Variants in GPC5 observed in about 807,000 individuals in gnomAD.
GPC5 encodes glypican-5.
Under a neutral mutation model 53.9 loss-of-function variants are expected in GPC5, and 47 were observed. That is an observed-to-expected ratio of 0.87 (90% CI 0.69 to 1.11). GPC5 has a LOEUF of 1.11. Among genes scored for constraint, GPC5 ranks in the 50% most tolerant of loss-of-function variants. The pLI is 0.00. For missense variants in GPC5, 748 were observed against 713.1 expected (o/e 1.05, Z -0.56); for synonymous variants, 286 against 263.3 (o/e 1.09, Z -0.84).
intron 7 of GPC5, among the ~76,000 whole-genome samples, chr13:92,309,534 G>T (rs764531694): frequency 3.6e-4 from 54 of 151,900 alleles, no homozygotes; most frequent in Non-Finnish European, 7.1e-4. Context: ...TTGCTTATTG[G>T]TTGACTAATA....
chr13:91,843,770 A>T (rs1163657462), intron 5 of GPC5, among the ~76,000 whole-genome samples: 1 of 151,988 alleles, frequency 6.6e-6, no homozygotes, highest in Non-Finnish European at 1.5e-5. Flanking sequence ...GGGAAGCATA[A>T]GCTTTCCAGA....
chr13:91,888,137 T>C (rs1235773592), intron 5 of GPC5, among the ~76,000 whole-genome samples: 2 of 152,158 alleles, frequency 1.3e-5, no homozygotes, highest in East Asian at 3.9e-4. Flanking sequence ...CTCACAATCA[T>C]GGCAGAAGAT....
At chr13:92,093,513 A>G (rs548996166) in intron 6 of GPC5, among the ~76,000 whole-genome samples, 3 of 152,292 alleles carry the variant, frequency 2.0e-5, no homozygotes, top group Non-Finnish European at 4.4e-5. Context: ...CTTTTTGTGA[A>G]GCTATGTTAT....
At chr13:92,834,592 G>A (rs937687403) in intron 7 of GPC5, among the ~76,000 whole-genome samples, 1 of 152,134 alleles carries the variant, frequency 6.6e-6, no homozygotes, top group Non-Finnish European at 1.5e-5. Flanking sequence ...TTGCTTCACA[G>A]GTTGACAAAG....
At chr13:92,436,906 G>A (rs895480222) in intron 7 of GPC5, among the ~76,000 whole-genome samples, 3 of 151,916 alleles carry the variant, frequency 2.0e-5, no homozygotes, top group Non-Finnish European at 4.4e-5. Context: ...AATATTTCAA[G>A]GATTTACCTA....
intron 7 of GPC5, among the ~76,000 whole-genome samples, chr13:92,612,766 A>G (rs11841741): frequency 0.027 from 4,154 of 152,188 alleles, 197 homozygotes; most frequent in African/African-American, 0.095. Context: ...GCCAGACATT[A>G]TGACAGGAAC....
At chr13:91,498,400 C>G (rs1884420427) in intron 2 of GPC5, among the ~76,000 whole-genome samples, 1 of 151,962 alleles carries the variant, frequency 6.6e-6, no homozygotes, top group Non-Finnish European at 1.5e-5. Context: ...AAAAAGCAAC[C>G]TGTCTTGTGG....
chr13:92,650,828 CAT>C (rs1296961540), intron 7 of GPC5, among the ~76,000 whole-genome samples: 2 of 152,102 alleles, frequency 1.3e-5, no homozygotes, highest in Admixed American at 6.6e-5. Context: ...TTCTGAGAGA[CAT>C]GTGCAGAACG....
At chr13:91,932,064 C>G (rs1219063000) in intron 6 of GPC5, among the ~76,000 whole-genome samples, 1 of 151,966 alleles carries the variant, frequency 6.6e-6, no homozygotes, top group African/African-American at 2.4e-5. Flanking sequence ...GTCCACTGAT[C>G]TAAAGGGATG....
intron 1 of GPC5, among the ~76,000 whole-genome samples, chr13:91,399,634 G>C (rs1420953719): frequency 6.6e-6 from 1 of 152,098 alleles, no homozygotes; most frequent in African/African-American, 2.4e-5. Flanking sequence ...CCCAAGTTTG[G>C]TACTAAAAAT....
chr13:92,205,616 C>T (rs1333417384), intron 7 of GPC5, among the ~76,000 whole-genome samples: 1 of 152,150 alleles, frequency 6.6e-6, no homozygotes, highest in African/African-American at 2.4e-5. Flanking sequence ...TTGGCCAAGC[C>T]TTTCTTACAG....
chr13:92,046,475 A>G (rs971771907), intron 6 of GPC5, among the ~76,000 whole-genome samples: 6 of 152,220 alleles, frequency 3.9e-5, no homozygotes. Context: ...TTATAATTCT[A>G]GGCAGTCCTG....
intron 6 of GPC5, among the ~76,000 whole-genome samples, chr13:92,066,082 T>C (rs764412822): frequency 1.3e-5 from 2 of 152,096 alleles, no homozygotes; most frequent in African/African-American, 2.4e-5. Context: ...AATTCTTTTT[T>C]TGAAGTTTTG....
At chr13:92,171,822 G>C (rs1163971051) in intron 7 of GPC5, among the ~76,000 whole-genome samples, 1 of 152,062 alleles carries the variant, frequency 6.6e-6, no homozygotes, top group African/African-American at 2.4e-5. Flanking sequence ...ATATTCATTT[G>C]CCACATCCAT....
intron 7 of GPC5, among the ~76,000 whole-genome samples, chr13:92,633,850 A>G (rs1885334282): frequency 6.6e-6 from 1 of 152,128 alleles, no homozygotes; most frequent in African/African-American, 2.4e-5. Flanking sequence ...CGTAATGTTT[A>G]TCTGTCTTCA....
chr13:91,520,506 A>G (rs965187779), intron 2 of GPC5, among the ~76,000 whole-genome samples: 7 of 152,172 alleles, frequency 4.6e-5, no homozygotes, highest in Non-Finnish European at 1.0e-4. Flanking sequence ...GGAAGAAGAA[A>G]TTCTGTCACT....
chr13:92,010,046 C>A (rs999419469), intron 6 of GPC5, among the ~76,000 whole-genome samples: 1 of 152,116 alleles, frequency 6.6e-6, no homozygotes. Context: ...AATGCATAAA[C>A]ATATATAAGG....
intron 2 of GPC5, among the ~76,000 whole-genome samples, chr13:91,638,524 C>G (rs2034340323): frequency 6.6e-6 from 1 of 152,066 alleles, no homozygotes; most frequent in Non-Finnish European, 1.5e-5. Flanking sequence ...TGCCACCATA[C>G]TCGGCTAATT....
At chr13:92,250,451 CTT>C (rs2042684465) in intron 7 of GPC5, among the ~76,000 whole-genome samples, 1 of 152,110 alleles carries the variant, frequency 6.6e-6, no homozygotes. Context: ...ATACAGTGCT[CTT>C]TTCACCATGT....
Sources: gnomAD v4.1 joint callset for allele counts (sites outside exome capture counted in the v4.1 genomes callset) on GRCh38, gnomAD v4.1.1 for gene constraint, MANE v1.5 for transcripts, NCBI Gene and HGNC (gene_info 2026-07-23, HGNC 2026-07-21) for gene names.